WDR1: variants seen among roughly 807,000 people sequenced by gnomAD.
WDR1 encodes WD repeat-containing protein 1.
A neutral mutation model predicts 71.9 loss-of-function variants in WDR1; 21 were observed. That is an observed-to-expected ratio of 0.29 (90% CI 0.21 to 0.42). The LOEUF (loss-of-function observed/expected upper bound fraction) is 0.42. Ranked by LOEUF, WDR1 falls within the 10% of genes least tolerant of loss-of-function variation. WDR1 has a pLI of 1.00. For missense variants in WDR1, 696 were observed against 824.5 expected (o/e 0.84, Z 1.91); for synonymous variants, 424 against 347.4 (o/e 1.22, Z -2.45).
intron 2 of WDR1, among the ~76,000 whole-genome samples, chr4:10,113,237 T>C (rs1713501362): frequency 6.6e-6 from 1 of 152,186 alleles, no homozygotes; most frequent in Non-Finnish European, 1.5e-5. Context: ...GGCACGTACC[T>C]GTAGTCCCCA....
intron 11 of WDR1, among the ~76,000 whole-genome samples, chr4:10,079,771 G>T (rs1360837533): frequency 6.6e-6 from 1 of 152,202 alleles, no homozygotes; most frequent in African/African-American, 2.4e-5. Flanking sequence ...GATTGTGGGT[G>T]GATCGCGATG....
intron 5 of WDR1, among the ~76,000 whole-genome samples, chr4:10,096,889 C>G (rs1488907555): frequency 1.3e-5 from 2 of 152,194 alleles, no homozygotes; most frequent in African/African-American, 4.8e-5. Flanking sequence ...GTCCATTGTT[C>G]TTGTCCATCC....
chr4:10,096,487 CT>C (rs1712358052), intron 5 of WDR1: 1 of 152,264 alleles, frequency 6.6e-6, no homozygotes, highest in Non-Finnish European at 1.5e-5. Flanking sequence ...TACAGGGAGC[CT>C]CCCTATGCTT....
At chr4:10,104,154 C>T (rs1712882198) in intron 2 of WDR1, among the ~76,000 whole-genome samples, 168 bp from the exon 3 acceptor site, 1 of 152,216 alleles carries the variant, frequency 6.6e-6, no homozygotes, top group Non-Finnish European at 1.5e-5. Context: ...CTACTGCCTG[C>T]CTACCTATCT....
At chr4:10,098,884 C>G (rs905618086) in intron 4 of WDR1, 108 bp downstream of exon 4, 4 of 1,509,306 alleles carry the variant, frequency 2.7e-6, no homozygotes, top group African/African-American at 2.7e-5. Context: ...TCAACCCTCA[C>G]GAGTGCAAGT....
At chr4:10,092,996 C>T in intron 5 of WDR1, 1 of 1,211,176 alleles carries the variant, frequency 8.3e-7, no homozygotes. Context: ...CAACGAGCCC[C>T]CCTCCCCACA....
chr4:10,110,367 T>C (rs1436606115), intron 2 of WDR1, among the ~76,000 whole-genome samples: 1 of 152,152 alleles, frequency 6.6e-6, no homozygotes, highest in African/African-American at 2.4e-5. Context: ...CAAGGCCATC[T>C]CTCCAGTAGT....
At chr4:10,106,248 A>G (rs1713008980) in intron 2 of WDR1, among the ~76,000 whole-genome samples, 1 of 152,214 alleles carries the variant, frequency 6.6e-6, no homozygotes, top group Admixed American at 6.5e-5. Context: ...CTGTATCTAA[A>G]GTACACCTCA....
chr4:10,114,195 T>C (rs922280520), intron 2 of WDR1, among the ~76,000 whole-genome samples: 2 of 152,302 alleles, frequency 1.3e-5, no homozygotes, highest in Admixed American at 6.5e-5. Flanking sequence ...TGACCTGGCA[T>C]TGCAGAAACT....
intron 14 of WDR1, 82 bp from the exon 15 acceptor site, chr4:10,075,566 C>A: frequency 7.6e-7 from 1 of 1,310,720 alleles, no homozygotes; most frequent in East Asian, 2.5e-5. Flanking sequence ...ATGGAACAAC[C>A]TGTGCCTAAA....
In WDR1 at chr4:10,116,094, C is replaced by A; in HGVS notation, c.138+19G>T. On this transcript the variant is annotated intron_variant, in intron 2 of 14. Coordinates refer to ENST00000499869, the MANE Select transcript of WDR1 (RefSeq NM_017491.5). ...GGTGGCTCCGGAGCAGAACCGCGCC[C>A]GGGGTAGGGGGTACTCACGTCGATG... The A allele has an allele frequency of 6.2e-7, 1 of 1,607,306 alleles. No homozygotes were observed.
rs1159215948 is a variant in WDR1, at chr4:10,087,953, A to C, written c.718-13T>G. ...GACTCCAACTAATCTATTCAGAAAA[A>C]AGCAGTGTGTCATGTGCCAGAGGAC... On this transcript the variant is annotated splice_polypyrimidine_tract_variant and intron_variant, in intron 7 of 14. Coordinates refer to ENST00000499869, the MANE Select transcript of WDR1 (RefSeq NM_017491.5). 6.5e-7 allele frequency: 1 copy of C among 1,546,598 alleles called. No individual in the cohort carries two copies. Among genetic ancestry groups the C allele is most frequent in the South Asian group, 1.2e-5 (1 of 83,134 alleles).
chr4:10,094,003 C>G (rs1560537400), intron 5 of WDR1, among the ~76,000 whole-genome samples: 1 of 152,236 alleles, frequency 6.6e-6, no homozygotes, highest in South Asian at 2.1e-4. Context: ...GCTCCAGCCT[C>G]AAGTGGGAGA....
At position 10,087,734 on chromosome 4, in the gene WDR1, G is replaced by A. The variant is rs749721482; in HGVS notation, c.924C>T (p.Asn308=). ...TGATGACGTGCAGGGGCTTGCTGGG[G>A]TTGTTTCTGTCCAGATAGTTGATGT... ...SGYINYLDRN[N]PSKPLHVIKG... is the part of the protein sequence containing the mutation. Residue 308 remains asparagine, a synonymous_variant, in exon 8 of 15, where the codon AAC becomes AAT. Transcript: ENST00000499869. The A allele has an allele frequency of 1.1e-5, 18 of 1,599,910 alleles. No individual in the cohort carries two copies. Among genetic ancestry groups the A allele is most frequent in the Non-Finnish European group, 1.5e-5 (18 of 1,172,904 alleles).
chr4:10,092,648 G>A, intron 5 of WDR1: 2 of 251,222 alleles, frequency 8.0e-6, no homozygotes, highest in Non-Finnish European at 1.6e-5. Context: ...TCCAAATGCA[G>A]ACACTGATGT....
intron 2 of WDR1, among the ~76,000 whole-genome samples, chr4:10,112,099 A>C (rs756588740): frequency 1.3e-5 from 2 of 151,808 alleles, no homozygotes; most frequent in Non-Finnish European, 2.9e-5. Flanking sequence ...TACTGGCACT[A>C]CTGGCATTTT....
chr4:10,110,139 C>T (rs982068777), intron 2 of WDR1, among the ~76,000 whole-genome samples: 4 of 152,124 alleles, frequency 2.6e-5, no homozygotes, highest in East Asian at 1.9e-4. Flanking sequence ...GGAGAGCAGG[C>T]AGGACCCATA....
rs764693759 is a variant in WDR1 at position 10,088,790 on chromosome 4, T to C, written c.559-49A>G. ...TGATGAGGGGCCGCAGGCCTGACTCTAGGTTCAAGAATGCTCTCTATGAAA... is the reference window on the plus strand; with the variant it reads ...TGATGAGGGGCCGCAGGCCTGACTCCAGGTTCAAGAATGCTCTCTATGAAA... On this transcript the variant is annotated intron_variant, in intron 5 of 14. Coordinates refer to ENST00000499869, the MANE Select transcript of WDR1 (RefSeq NM_017491.5). 5 of 1,420,294 alleles carry C rather than the reference T, an allele frequency of 3.5e-6. No homozygotes were observed. The Admixed American group carries it at 5.9e-5, about 17-fold the overall frequency. 88.0% of individuals were successfully genotyped at this position (1,420,294 alleles called of 1,614,324 possible). A position where few individuals can be genotyped will look rare whatever the true frequency, so the allele number is the denominator to read the frequency against.
chr4:10,077,636 G>A (rs1213651612), intron 13 of WDR1, 117 bp downstream of exon 13: 3 of 1,463,508 alleles, frequency 2.0e-6, no homozygotes, highest in Non-Finnish European at 2.7e-6. Flanking sequence ...TACTTGTAGA[G>A]GCAAGAAAAC....
Sources: allele counts gnomAD v4.1 joint callset (sites outside exome capture counted in the v4.1 genomes callset), GRCh38; gene constraint gnomAD v4.1.1; transcripts MANE v1.5; gene names NCBI Gene and HGNC (gene_info 2026-07-23, HGNC 2026-07-21).